The following PDE4C variants were observed in gnomAD, a reference collection of about 807,000 sequenced individuals.
PDE4C encodes phosphodiesterase 4C, also known as 3',5'-cyclic-AMP phosphodiesterase 4C.
In PDE4C, 50 loss-of-function variants were observed where a neutral mutation model predicts 63.9. That is an observed-to-expected ratio of 0.78 (90% CI 0.62 to 0.99). The LOEUF (loss-of-function observed/expected upper bound fraction) is 0.99, where lower values mean the gene tolerates loss of function less well. Ranked by LOEUF, PDE4C falls within the 50% of genes least tolerant of loss-of-function variation. The probability of loss-of-function intolerance (pLI) is 0.00; values close to 1 mark genes in which losing one functional copy is unlikely to be tolerated. For synonymous variants in PDE4C, 377 were observed against 385.1 expected (o/e 0.98, Z 0.25); for missense variants, 777 against 899.1 (o/e 0.86, Z 1.74).
upstream of PDE4C, among the ~76,000 whole-genome samples, chr19:18,226,745 A>G (rs532083026): frequency 2.0e-5 from 3 of 151,618 alleles, no homozygotes; most frequent in South Asian, 6.3e-4. Flanking sequence ...AGCTGGGACT[A>G]CAGATGCACA....
chr19:18,214,960 A>C (rs985704916), intron 12 of PDE4C, among the ~76,000 whole-genome samples: 1 of 151,770 alleles, frequency 6.6e-6, no homozygotes, highest in African/African-American at 2.4e-5. Context: ...AAAAAAAAAA[A>C]AAAAAAAACT....
downstream of PDE4C, chr19:18,208,528 G>A (rs1967790617): frequency 2.7e-5 from 4 of 150,576 alleles, no homozygotes; most frequent in African/African-American, 2.4e-5. Context: ...CCGCCACCAG[G>A]GGGTGCCGCT....
intron 1 of PDE4C, 110 bp from the exon 2 acceptor site, chr19:18,222,433 G>A (rs1452629091): frequency 6.1e-6 from 6 of 981,492 alleles, no homozygotes; most frequent in Non-Finnish European, 9.0e-6. Flanking sequence ...AGTCAGGCAA[G>A]TGTGGTTTCC....
downstream of PDE4C, chr19:18,209,522 T>G (rs1286410710): frequency 3.3e-5 from 5 of 151,808 alleles, no homozygotes; most frequent in African/African-American, 9.7e-5. Flanking sequence ...GTTCTGGGAT[T>G]ACAGGTGTGA....
chr19:18,215,948 G>A (rs1396794283), intron 12 of PDE4C, among the ~76,000 whole-genome samples: 1 of 150,676 alleles, frequency 6.6e-6, no homozygotes, highest in African/African-American at 2.4e-5. Flanking sequence ...TCCTGCCTCA[G>A]CCTCCCAAGT....
intron 13 of PDE4C, among the ~76,000 whole-genome samples, chr19:18,212,932 T>A (rs1257223694): frequency 7.3e-6 from 1 of 137,248 alleles, no homozygotes; most frequent in Admixed American, 7.1e-5. Context: ...ATGATCTGCC[T>A]GCCTCGGCCT....
chr19:18,252,087 T>C (rs1969236709), upstream of PDE4C: 1 of 398,816 alleles, frequency 2.5e-6, no homozygotes, highest in Admixed American at 4.4e-5. Flanking sequence ...CTCCAAGGTC[T>C]GGTCAGTGGA....
chr19:18,227,514 TG>T (rs1016639196), upstream of PDE4C, among the ~76,000 whole-genome samples: 3 of 151,898 alleles, frequency 2.0e-5, no homozygotes, highest in Non-Finnish European at 4.4e-5. Context: ...GTCCCAGGAC[TG>T]GGGGGGGCCT....
upstream of PDE4C, among the ~76,000 whole-genome samples, chr19:18,249,012 C>T (rs1232580479): frequency 7.3e-6 from 1 of 136,678 alleles, no homozygotes; most frequent in Non-Finnish European, 1.5e-5. Context: ...GCAACAAGAG[C>T]GAAACTCCAT....
rs763010998 is a variant in PDE4C, at chr19:18,219,221, G to C, written c.870+13C>G. 2 of 1,614,114 alleles carry C rather than the reference G, an allele frequency of 1.2e-6. No individual in the cohort carries two copies. The highest frequency in any genetic ancestry group is 4.5e-5 in the East Asian group (2 of 44,890). ...ACCAAACCTTGATCTTGGCATTGTG[G>C]TTGGGGACCCACCTTGGCCAGTTGC... On this transcript the variant is annotated intron_variant, in intron 8 of 14. Coordinates refer to ENST00000262805, the Ensembl canonical transcript of PDE4C.
exon 2 of PDE4C, chr19:18,222,137 G>A (rs749106473): frequency 2.5e-6 from 4 of 1,607,392 alleles, no homozygotes; most frequent in Non-Finnish European, 3.4e-6. Flanking sequence ...CTCACAGGTC[G>A]CTGGCCACAG....
At chr19:18,250,413 A>G, upstream of PDE4C, 1 of 399,044 alleles carries the variant, frequency 2.5e-6, no homozygotes, top group South Asian at 1.3e-4. Flanking sequence ...ACCAGCAAAC[A>G]CACGACCACC....
exon 1 of PDE4C, chr19:18,233,626 G>T (rs1968898373): frequency 2.3e-6 from 1 of 434,870 alleles, no homozygotes; most frequent in Non-Finnish European, 4.6e-6. Context: ...CCCCGGGGCC[G>T]AGACGGTGTC....
In PDE4C at chr19:18,247,296, C is replaced by CT. The variant is rs1555698055; in HGVS notation, c.-210+874dup. 3.8e-3 allele frequency among the ~76,000 whole-genome samples: 559 copies of CT among 149,048 alleles called. 2 individuals carry two copies. The highest frequency in any genetic ancestry group is 0.013 in the African/African-American group (500 of 39,674). On this transcript the variant is annotated intron_variant, in intron 1 of 15. Coordinates refer to the PDE4C transcript ENST00000594617. ...GGTCCCCGAGCAGCTCTAAGTGTTT[C>CT]TTTTTTTTTTGGTGGTGGGGACAGA...
At chr19:18,211,676 C>T in intron 14 of PDE4C, 83 bp downstream of exon 14, 1 of 1,523,334 alleles carries the variant, frequency 6.6e-7, no homozygotes, top group Admixed American at 1.7e-5. Context: ...CAGCCAGGGC[C>T]AAACCAGGGC....
chr19:18,214,957 A>C (rs1034352578), intron 12 of PDE4C, among the ~76,000 whole-genome samples: 1 of 151,920 alleles, frequency 6.6e-6, no homozygotes, highest in Non-Finnish European at 1.5e-5. Flanking sequence ...TCAAAAAAAA[A>C]AAAAAAAAAA....
chr19:18,222,399 G>A, intron 1 of PDE4C, 76 bp from the exon 2 acceptor site: 3 of 1,370,596 alleles, frequency 2.2e-6, no homozygotes, highest in Non-Finnish European at 3.0e-6. Flanking sequence ...CTTGTCTGGT[G>A]CGTCCTCCCT....
chr19:18,223,067 T>C (rs558443274), intron 1 of PDE4C, among the ~76,000 whole-genome samples: 1 of 152,078 alleles, frequency 6.6e-6, no homozygotes, highest in East Asian at 1.9e-4. Flanking sequence ...TTGCCTGCAC[T>C]GGAGTGCAGT....
upstream of PDE4C, among the ~76,000 whole-genome samples, chr19:18,250,926 A>G (rs909211247): frequency 2.6e-5 from 4 of 151,968 alleles, no homozygotes; most frequent in African/African-American, 7.3e-5. Context: ...AGTGTGTGCC[A>G]CCACACCCAG....
Sources: gnomAD v4.1 joint callset for allele counts (sites outside exome capture counted in the v4.1 genomes callset) on GRCh38, gnomAD v4.1.1 for gene constraint, MANE v1.5 for transcripts, NCBI Gene and HGNC (gene_info 2026-07-23, HGNC 2026-07-21) for gene names.